NAV2: variants seen among roughly 807,000 people sequenced by gnomAD.
NAV2 encodes the protein helicase, APC down-regulated 1.
In NAV2, 54 loss-of-function variants were observed where a neutral mutation model predicts 223.2. That is an observed-to-expected ratio of 0.24 (90% CI 0.19 to 0.30). The LOEUF (loss-of-function observed/expected upper bound fraction) is 0.30. Among genes scored for constraint, NAV2 ranks in the 10% least tolerant of loss-of-function variants. NAV2 has a pLI of 1.00. For synonymous variants in NAV2, 1,279 were observed against 1,239.3 expected (o/e 1.03, Z -0.67); for missense variants, 2,806 against 3,147.5 (o/e 0.89, Z 2.60).
chr11:19,986,960 A>G (rs1212882747), intron 11 of NAV2, among the ~76,000 whole-genome samples: 15 of 152,226 alleles, frequency 9.9e-5, no homozygotes, highest in Admixed American at 9.8e-4. Context: ...CCAAAGTGGG[A>G]GGCTATCATG....
chr11:19,553,938 G>A (rs946509933), intron 1 of NAV2, among the ~76,000 whole-genome samples: 10 of 152,222 alleles, frequency 6.6e-5, no homozygotes, highest in African/African-American at 2.4e-4. Flanking sequence ...CTCTGCTGGC[G>A]AGTTTGGGTG....
At chr11:19,368,227 T>C (rs1848354573) in intron 1 of NAV2, among the ~76,000 whole-genome samples, 3 of 152,194 alleles carry the variant, frequency 2.0e-5, no homozygotes. Flanking sequence ...ACAACTGCTA[T>C]TTTTTCCTCT....
intron 8 of NAV2, among the ~76,000 whole-genome samples, chr11:19,945,206 CTTTCCTTT>C (rs1565615429): frequency 3.2e-4 from 15 of 47,542 alleles, no homozygotes; most frequent in Admixed American, 8.8e-4. Context: ...CCTTCCCTTT[CTTTCCTTT>C]CCTTCCTTCT....
chr11:19,815,955 A>G (rs1197949986), intron 1 of NAV2, among the ~76,000 whole-genome samples: 1 of 152,194 alleles, frequency 6.6e-6, no homozygotes, highest in Non-Finnish European at 1.5e-5. Context: ...TTTGGAGAAT[A>G]AATAGTATCT....
chr11:19,946,550 C>T, intron 9 of NAV2, 41 bp downstream of exon 9: 1 of 1,532,172 alleles, frequency 6.5e-7, no homozygotes, highest in East Asian at 2.3e-5. Flanking sequence ...TACCTGGTAT[C>T]CTAATTTTCT....
At chr11:19,385,536 T>C (rs1674198430) in intron 1 of NAV2, among the ~76,000 whole-genome samples, 1 of 152,206 alleles carries the variant, frequency 6.6e-6, no homozygotes, top group Admixed American at 6.5e-5. Flanking sequence ...AAAATGTTTT[T>C]GCACCAAAGA....
At chr11:19,967,975 C>T (rs545654052) in intron 10 of NAV2, among the ~76,000 whole-genome samples, 93 of 152,192 alleles carry the variant, frequency 6.1e-4, no homozygotes, top group Middle Eastern at 6.8e-3. Flanking sequence ...AATGTTTAAC[C>T]CATGACTCCT....
chr11:19,612,183 C>CTAGGCTG (rs2046665323), intron 1 of NAV2, among the ~76,000 whole-genome samples: 1 of 152,232 alleles, frequency 6.6e-6, no homozygotes, highest in Non-Finnish European at 1.5e-5. Context: ...TGCCAAGTCC[C>CTAGGCTG]TAGGCTGCAC....
intron 1 of NAV2, among the ~76,000 whole-genome samples, chr11:19,774,639 A>G (rs1397990196): frequency 6.6e-6 from 1 of 152,194 alleles, no homozygotes; most frequent in African/African-American, 2.4e-5. Flanking sequence ...CATACCCCAG[A>G]CAAGGAATCC....
chr11:19,826,194 A>G (rs935157122), intron 1 of NAV2, among the ~76,000 whole-genome samples: 4 of 152,208 alleles, frequency 2.6e-5, no homozygotes, highest in African/African-American at 9.6e-5. Flanking sequence ...TCTTTGTCCA[A>G]TCAGTTTCTA....
intron 1 of NAV2, among the ~76,000 whole-genome samples, chr11:19,408,654 C>A (rs1273287113): frequency 6.6e-6 from 1 of 152,212 alleles, no homozygotes; most frequent in East Asian, 1.9e-4. Context: ...AACCTCGCAA[C>A]AACCTTGTGA....
intron 1 of NAV2, among the ~76,000 whole-genome samples, chr11:19,772,187 A>G (rs1192945393): frequency 6.6e-6 from 1 of 152,206 alleles, no homozygotes; most frequent in Non-Finnish European, 1.5e-5. Flanking sequence ...CCAGAGAAGG[A>G]AAGAGACTAA....
intron 1 of NAV2, among the ~76,000 whole-genome samples, chr11:19,516,750 G>C (rs564651671): frequency 4.6e-4 from 70 of 152,320 alleles, no homozygotes; most frequent in African/African-American, 1.6e-3. Flanking sequence ...TGCTGGGCTG[G>C]TGTTTCCACC....
chr11:19,892,610 G>A lies in NAV2; in HGVS notation c.931+16G>A. 1 of 1,611,580 alleles carries A rather than the reference G, an allele frequency of 6.2e-7. No homozygotes were observed. Among genetic ancestry groups the A allele is most frequent in the South Asian group, 1.1e-5 (1 of 90,626 alleles). ...CACGAGAAAGGTGAGTCACCTTCTTGAGGAGCCTTTTTGGTATTTTCCTTC... is the reference window on the plus strand; with the variant it reads ...CACGAGAAAGGTGAGTCACCTTCTTAAGGAGCCTTTTTGGTATTTTCCTTC... On this transcript the variant is annotated intron_variant, in intron 6 of 37. Coordinates refer to ENST00000349880, the MANE Select transcript of NAV2 (RefSeq NM_145117.5).
At chr11:19,792,084 G>A (rs371813630) in intron 1 of NAV2, among the ~76,000 whole-genome samples, 36 of 152,312 alleles carry the variant, frequency 2.4e-4, no homozygotes, top group African/African-American at 3.1e-4. Context: ...TTTATATACC[G>A]TTATATACAT....
intron 33 of NAV2, 77 bp downstream of exon 33, chr11:20,103,486 G>A (rs1468065403): frequency 3.9e-6 from 6 of 1,549,206 alleles, no homozygotes; most frequent in African/African-American, 1.4e-5. Flanking sequence ...CACACAGGTG[G>A]CCCGGGGCCG....
chr11:19,466,676 G>T (rs1448276111), intron 1 of NAV2, among the ~76,000 whole-genome samples: 1 of 152,174 alleles, frequency 6.6e-6, no homozygotes, highest in East Asian at 1.9e-4. Context: ...GAAGCCACGG[G>T]ATGAACCCAG....
chr11:19,560,764 C>T (rs1364548708), intron 1 of NAV2, among the ~76,000 whole-genome samples: 1 of 152,172 alleles, frequency 6.6e-6, no homozygotes, highest in Non-Finnish European at 1.5e-5. Flanking sequence ...CAGGTGACTT[C>T]AGGAACTACA....
At chr11:19,463,651 G>A (rs150013545) in intron 1 of NAV2, among the ~76,000 whole-genome samples, 35 of 152,374 alleles carry the variant, frequency 2.3e-4, no homozygotes, top group Middle Eastern at 3.4e-3. Flanking sequence ...TGGAGAGGGT[G>A]TGGTGTCTAA....
Sources: allele counts gnomAD v4.1 joint callset (sites outside exome capture counted in the v4.1 genomes callset), GRCh38; gene constraint gnomAD v4.1.1; transcripts MANE v1.5; gene names NCBI Gene and HGNC (gene_info 2026-07-23, HGNC 2026-07-21).